ASIC2: variants seen among roughly 807,000 people sequenced by gnomAD.
The protein encoded by ASIC2 is acid-sensing ion channel 2.
ASIC2 carries 25 observed loss-of-function variants against 57.3 expected under a neutral mutation model. The ratio of observed to expected loss-of-function variants is 0.44; its 90% CI spans 0.32 to 0.61. The LOEUF (loss-of-function observed/expected upper bound fraction) is 0.61, where lower values mean the gene tolerates loss of function less well. Ranked by LOEUF, ASIC2 falls within the 20% of genes least tolerant of loss-of-function variation. The pLI is 0.06. For synonymous variants in ASIC2, 319 were observed against 307.5 expected, an observed-to-expected ratio of 1.04 and a Z score of -0.39; for missense variants, 641 against 738.1, an observed-to-expected ratio of 0.87 and a Z score of 1.52.
rs1477131515 is a variant in ASIC2, at chr17:33,988,272, C to G, written c.555+167706G>C. 3.3e-5 allele frequency among the ~76,000 whole-genome samples: 5 copies of G among 152,290 alleles called. No individual in the cohort carries two copies. The East Asian group carries it at 9.6e-4, about 29-fold the overall frequency. On this transcript the variant is annotated intron_variant, in intron 1 of 9. Transcript: ENST00000359872. ...TACTGAATGATTGCTACATGCCAGT[C>G]CCTTTATTACCTCCTTGCTCAGTGG...
intron 1 of ASIC2, chr17:33,572,131 A>G (rs952994955): frequency 6.6e-6 from 1 of 152,230 alleles, no homozygotes; most frequent in South Asian, 2.1e-4. Flanking sequence ...CTGTGCATAT[A>G]TATTAGCAGG....
intron 1 of ASIC2, among the ~76,000 whole-genome samples, chr17:33,133,274 C>T (rs554861569): frequency 2.6e-5 from 4 of 152,158 alleles, no homozygotes; most frequent in South Asian, 4.2e-4. Context: ...TTGGCAGAGG[C>T]GCAGAGGCAG....
rs564312062 is a variant in ASIC2, at chr17:33,148,877, T to G, written c.709-36810A>C. Among the ~76,000 whole-genome samples the G allele has an allele frequency of 3.0e-3, 464 of 152,314 alleles. 1 individual carries two copies. Among genetic ancestry groups the G allele is most frequent in the South Asian group, 6.0e-3 (29 of 4,828 alleles). On this transcript the variant is annotated intron_variant, in intron 1 of 9. Transcript: ENST00000225823. ...GGGAGGCCAAGGCAGGCGGATCATC[T>G]GAGGTCAGGAGTTCAAGACCAGCCT...
intron 1 of ASIC2, among the ~76,000 whole-genome samples, chr17:33,277,710 G>A (rs1045796309): frequency 1.3e-5 from 2 of 152,192 alleles, no homozygotes; most frequent in Non-Finnish European, 1.5e-5. Flanking sequence ...GCCTGGCTCA[G>A]TCAGTCTCAC....
At chr17:33,223,007 C>T (rs417704) in intron 1 of ASIC2, among the ~76,000 whole-genome samples, 108,558 of 151,816 alleles carry the variant, frequency 0.72, 39,047 homozygotes, top group Middle Eastern at 0.8. Flanking sequence ...ATCAGGGAGC[C>T]GGGTTCATAC....
At chr17:33,248,511 T>G (rs931931326) in intron 1 of ASIC2, among the ~76,000 whole-genome samples, 4 of 152,204 alleles carry the variant, frequency 2.6e-5, no homozygotes, top group Non-Finnish European at 5.9e-5. Context: ...AACAAATTAC[T>G]ATAAACTGGA....
At position 33,192,391 on chromosome 17, in the gene ASIC2, AAACAAAAC is replaced by A. The variant is rs1371513969; in HGVS notation, c.709-80332_709-80325del. 3.8e-3 allele frequency among the ~76,000 whole-genome samples: 37 copies of A among 9,636 alleles called. No individual in the cohort carries two copies. The South Asian group carries it at 0.045, about 12-fold the overall frequency. The allele number at this position is 9,636 out of a possible 152,430, so 6.3% of individuals were successfully genotyped here. A position where few individuals can be genotyped will look rare whatever the true frequency, so the allele number is the denominator to read the frequency against. Reference sequence around the variant, plus strand: ...AGAGCAAAACTCAGTCTCAAAAACAAAACAAAACAAAACAAAACAAAACAAAACAAAAC... The same window carrying A: ...AGAGCAAAACTCAGTCTCAAAAACAAAAAACAAAACAAAACAAAACAAAAC... On this transcript the variant is annotated intron_variant, in intron 1 of 9. Coordinates refer to ENST00000225823, the MANE Select transcript of ASIC2 (RefSeq NM_183377.2).
At chr17:33,173,259 C>A (rs1195577091) in intron 1 of ASIC2, among the ~76,000 whole-genome samples, 1 of 152,108 alleles carries the variant, frequency 6.6e-6, no homozygotes, top group East Asian at 1.9e-4. Context: ...CTTAGACCAC[C>A]CCTGAGAGGG....
chr17:33,850,999 A>G (rs976122049), intron 1 of ASIC2, among the ~76,000 whole-genome samples: 39 of 152,304 alleles, frequency 2.6e-4, no homozygotes, highest in Admixed American at 1.6e-3. Context: ...GGACCTTGGA[A>G]AGATCCCTCA....
chr17:33,764,393 G>A (rs949370340), intron 1 of ASIC2, among the ~76,000 whole-genome samples: 12 of 151,762 alleles, frequency 7.9e-5, no homozygotes, highest in African/African-American at 2.9e-4. Context: ...CTGAGCCTTA[G>A]TGGGTGTGTT....
chr17:33,240,204 C>T (rs1908450186), intron 1 of ASIC2, among the ~76,000 whole-genome samples: 1 of 152,158 alleles, frequency 6.6e-6, no homozygotes. Flanking sequence ...GAGGGATGCT[C>T]CCAAGTTGTT....
intron 1 of ASIC2, among the ~76,000 whole-genome samples, chr17:33,339,192 G>A (rs962789316): frequency 6.6e-6 from 1 of 152,168 alleles, no homozygotes; most frequent in Admixed American, 6.6e-5. Flanking sequence ...CAGGGTGTTG[G>A]GGAAGGTTGG....
At chr17:34,065,683 A>T (rs939600629) in intron 1 of ASIC2, among the ~76,000 whole-genome samples, 22 of 152,304 alleles carry the variant, frequency 1.4e-4, no homozygotes, top group African/African-American at 4.6e-4. Flanking sequence ...AAAGGAAGGA[A>T]GGTTTTGCCT....
chr17:33,875,967 A>G (rs1157530681), intron 1 of ASIC2, among the ~76,000 whole-genome samples: 1 of 152,196 alleles, frequency 6.6e-6, no homozygotes, highest in Non-Finnish European at 1.5e-5. Context: ...AAGATTCTCA[A>G]TTGTGCTACT....
chr17:33,804,996 A>G (rs561629811), intron 1 of ASIC2, among the ~76,000 whole-genome samples: 1 of 151,860 alleles, frequency 6.6e-6, no homozygotes, highest in Admixed American at 6.6e-5. Context: ...GTATCCTTAA[A>G]ACTCCCTGCT....
chr17:34,043,128 T>C (rs987815119), intron 1 of ASIC2, among the ~76,000 whole-genome samples: 1 of 152,138 alleles, frequency 6.6e-6, no homozygotes, highest in African/African-American at 2.4e-5. Flanking sequence ...CATTGACTTT[T>C]AGGGAAGAAG....
intron 1 of ASIC2, among the ~76,000 whole-genome samples, chr17:33,352,629 A>G (rs1908229727): frequency 6.6e-6 from 1 of 152,102 alleles, no homozygotes; most frequent in Non-Finnish European, 1.5e-5. Flanking sequence ...CCACCCTCCC[A>G]ACTTTGCAAG....
At chr17:33,715,760 T>C (rs1372335220) in intron 1 of ASIC2, among the ~76,000 whole-genome samples, 2 of 152,172 alleles carry the variant, frequency 1.3e-5, no homozygotes, top group Admixed American at 6.5e-5. Flanking sequence ...TTCTAGGGGA[T>C]AACATCTCCC....
chr17:33,360,315 T>C (rs764202997), intron 1 of ASIC2, among the ~76,000 whole-genome samples: 3 of 152,174 alleles, frequency 2.0e-5, no homozygotes, highest in African/African-American at 7.2e-5. Context: ...AGAATTTGAA[T>C]GACTGAATGT....
Sources: gnomAD v4.1 joint callset for allele counts (sites outside exome capture counted in the v4.1 genomes callset) on GRCh38, gnomAD v4.1.1 for gene constraint, MANE v1.5 for transcripts, NCBI Gene and HGNC (gene_info 2026-07-23, HGNC 2026-07-21) for gene names.